The following SLC26A7 variants were observed in gnomAD, a reference collection of about 807,000 sequenced individuals.
SLC26A7 encodes the protein solute carrier family 26 member 7, also known as anion exchange transporter.
In SLC26A7, 59 loss-of-function variants were observed where a neutral mutation model predicts 82.5. That is an observed-to-expected ratio of 0.72 (90% CI 0.58 to 0.89). The LOEUF (loss-of-function observed/expected upper bound fraction) is 0.89, where lower values mean the gene tolerates loss of function less well. Among genes scored for constraint, SLC26A7 ranks in the 40% least tolerant of loss-of-function variants. The probability of loss-of-function intolerance (pLI) is 0.00; values close to 1 mark genes in which losing one functional copy is unlikely to be tolerated. For missense variants in SLC26A7, 820 were observed against 793.0 expected (o/e 1.03, Z -0.41); for synonymous variants, 271 against 274.3 (o/e 0.99, Z 0.12).
chr8:91,289,170 A>T lies in SLC26A7; in HGVS notation c.228A>T (p.Pro76=). 1.2e-6 allele frequency: 2 copies of T among 1,613,920 alleles called. No individual in the cohort carries two copies. Among genetic ancestry groups the T allele is most frequent in the Non-Finnish European group, 1.7e-6 (2 of 1,179,954 alleles). ...LAFAVLSSVH[P]VFGLYGSLFP... ...TTGCTGTTCTCTCATCTGTGCACCC[A>T]GTGTTTGGTTTATATGGGTCTCTGT... The change falls in exon 3 of 19, where the codon CCA becomes CCT. Residue 76 remains proline (P), a synonymous_variant. Transcript: ENST00000276609.
chr8:91,394,630 G>A (rs535239023), intron 18 of SLC26A7: 15 of 1,137,212 alleles, frequency 1.3e-5, no homozygotes, highest in South Asian at 5.9e-5. Context: ...TTGGTGCCTC[G>A]CAGAGTCATC....
In SLC26A7 at chr8:91,234,827, A is replaced by ACTTCCTTCCTTCCTTC. The variant is rs1315137017; in HGVS notation, c.-33-14766_-33-14751dup. ...TACCTACCTACCTACCTACCTACCTACTTCCTTCCTTCCTTCCTTCCTTCC... is the reference window on the plus strand; with the variant it reads ...TACCTACCTACCTACCTACCTACCTACTTCCTTCCTTCCTTCCTTCCTTCCTTCCTTCCTTCCTTCC... On this transcript the variant is annotated intron_variant, in intron 2 of 5. Transcript: ENST00000522862. Among the ~76,000 whole-genome samples, 739 of 92,454 alleles carry ACTTCCTTCCTTCCTTC rather than the reference A, an allele frequency of 8.0e-3. 10 individuals are homozygous for ACTTCCTTCCTTCCTTC. Among genetic ancestry groups the ACTTCCTTCCTTCCTTC allele is most frequent in the African/African-American group, 0.021 (475 of 22,296 alleles). The allele number at this position is 92,454 out of a possible 152,430, so 60.7% of individuals were successfully genotyped here.
At chr8:91,363,017 A>G (rs1015582109) in intron 12 of SLC26A7, among the ~76,000 whole-genome samples, 1 of 152,068 alleles carries the variant, frequency 6.6e-6, no homozygotes, top group East Asian at 1.9e-4. Context: ...CTTCACATCC[A>G]TCTTTCCCTT....
In SLC26A7 at chr8:91,344,208, T is replaced by G. The variant is rs181976614; in HGVS notation, c.1140+742T>G. 4.4e-5 allele frequency: 43 copies of G among 984,650 alleles called. No individual in the cohort carries two copies. The African/African-American group carries it at 7.2e-4, about 16-fold the overall frequency. 61.0% of individuals were successfully genotyped at this position (984,650 alleles called of 1,614,324 possible). ...GATCTAGGCAACCTTAAGAAGGAGG[T>G]GTAATTATTATCCTCAGTTTCTACA... On this transcript the variant is annotated intron_variant, in intron 9 of 18. Coordinates refer to ENST00000276609, the MANE Select transcript of SLC26A7 (RefSeq NM_052832.4).
At chr8:91,267,071 G>A (rs533316230) in intron 2 of SLC26A7, among the ~76,000 whole-genome samples, 22 of 151,916 alleles carry the variant, frequency 1.4e-4, no homozygotes, top group Middle Eastern at 3.4e-3. Flanking sequence ...CCTTCCTTGT[G>A]TCCCTGGGAT....
chr8:91,209,700 C>T (rs896313408), intron 1 of SLC26A7, among the ~76,000 whole-genome samples: 12 of 152,088 alleles, frequency 7.9e-5, no homozygotes, highest in Non-Finnish European at 1.5e-4. Flanking sequence ...GAGTTTAATG[C>T]TGTGATTAGG....
At chr8:91,275,319 G>GGT (rs1349688647) in intron 2 of SLC26A7, among the ~76,000 whole-genome samples, 1 of 152,074 alleles carries the variant, frequency 6.6e-6, no homozygotes, top group Non-Finnish European at 1.5e-5. Flanking sequence ...ATTTTTTTGA[G>GGT]ACAGTGTCTT....
chr8:91,267,792 A>G (rs1811155972), intron 2 of SLC26A7, among the ~76,000 whole-genome samples: 1 of 151,528 alleles, frequency 6.6e-6, no homozygotes. Flanking sequence ...TCCTTTTACT[A>G]ATTAGTGGGT....
At chr8:91,382,089 C>T (rs1814685943) in intron 15 of SLC26A7, among the ~76,000 whole-genome samples, 1 of 152,106 alleles carries the variant, frequency 6.6e-6, no homozygotes, top group Non-Finnish European at 1.5e-5. Context: ...TCAGAATCCT[C>T]TCAACATGTT....
chr8:91,262,446 G>A (rs925873068), intron 2 of SLC26A7, among the ~76,000 whole-genome samples: 4 of 152,002 alleles, frequency 2.6e-5, no homozygotes, highest in African/African-American at 4.8e-5. Flanking sequence ...TCTACCCAGC[G>A]TCTGAGCAGT....
At chr8:91,227,507 T>C (rs1810253733) in intron 2 of SLC26A7, among the ~76,000 whole-genome samples, 1 of 152,212 alleles carries the variant, frequency 6.6e-6, no homozygotes, top group Non-Finnish European at 1.5e-5. Flanking sequence ...TCTGATTCTT[T>C]ATATTTGTGT....
At chr8:91,345,300 C>A (rs1351523346) in intron 9 of SLC26A7, among the ~76,000 whole-genome samples, 1 of 152,154 alleles carries the variant, frequency 6.6e-6, no homozygotes, top group Non-Finnish European at 1.5e-5. Flanking sequence ...TATTAGGTTT[C>A]TCTCTTCATT....
At chr8:91,369,692 T>G (rs1586462563) in intron 14 of SLC26A7, 93 bp from the exon 15 acceptor site, 1 of 930,298 alleles carries the variant, frequency 1.1e-6, no homozygotes, top group East Asian at 2.9e-5. Context: ...AGTTTTTTTG[T>G]TATTCTTTAT....
intron 15 of SLC26A7, among the ~76,000 whole-genome samples, chr8:91,377,403 G>A (rs927395662): frequency 1.3e-5 from 2 of 152,118 alleles, no homozygotes; most frequent in Admixed American, 6.5e-5. Context: ...TAGATCTCCA[G>A]AGGTCTGAAA....
chr8:91,250,529 G>C (rs917869287), intron 2 of SLC26A7, among the ~76,000 whole-genome samples: 19 of 152,100 alleles, frequency 1.2e-4, no homozygotes, highest in Admixed American at 5.9e-4. Context: ...TACCGACCTA[G>C]TGTGCATGTG....
At chr8:91,385,395 T>A (rs2130900048) in intron 15 of SLC26A7, among the ~76,000 whole-genome samples, 1 of 152,368 alleles carries the variant, frequency 6.6e-6, no homozygotes, top group South Asian at 2.1e-4. Flanking sequence ...AAAGAAAACT[T>A]CACTTATTTT....
chr8:91,302,990 T>C (rs1290920432), intron 4 of SLC26A7, among the ~76,000 whole-genome samples: 2 of 152,164 alleles, frequency 1.3e-5, no homozygotes, highest in African/African-American at 2.4e-5. Context: ...GATAATCTTA[T>C]TGTTTCCAGT....
chr8:91,307,891 G>A (rs13262139), intron 4 of SLC26A7, among the ~76,000 whole-genome samples: 8,816 of 151,926 alleles, frequency 0.058, 311 homozygotes, highest in African/African-American at 0.08. Flanking sequence ...TAGAAATGGG[G>A]TCTCACTATG....
At chr8:91,280,304 T>C (rs1218512866) in intron 2 of SLC26A7, among the ~76,000 whole-genome samples, 1 of 152,240 alleles carries the variant, frequency 6.6e-6, no homozygotes, top group Non-Finnish European at 1.5e-5. Flanking sequence ...TCCCAACATA[T>C]GTAAGATTTA....
Sources: gnomAD v4.1 joint callset for allele counts (sites outside exome capture counted in the v4.1 genomes callset) on GRCh38, gnomAD v4.1.1 for gene constraint, MANE v1.5 for transcripts, NCBI Gene and HGNC (gene_info 2026-07-23, HGNC 2026-07-21) for gene names.